TSC22D1: variants seen among roughly 807,000 people sequenced by gnomAD.
TSC22D1 encodes TSC22 domain family member 1.
In TSC22D1, 9 loss-of-function variants were observed where a neutral mutation model predicts 74.2. That is an observed-to-expected ratio of 0.12 (90% confidence interval 0.07 to 0.21). The LOEUF (loss-of-function observed/expected upper bound fraction) is 0.21, where lower values mean the gene tolerates loss of function less well. TSC22D1 is among the 10% of genes least tolerant of loss of function. The pLI is 1.00. For missense variants in TSC22D1, 1,427 were observed against 1,304.7 expected, an observed-to-expected ratio of 1.09 and a Z score of -1.44; for synonymous variants, 586 against 492.5, an observed-to-expected ratio of 1.19 and a Z score of -2.51.
intron 1 of TSC22D1, among the ~76,000 whole-genome samples, chr13:44,523,045 A>C (rs1223154865): frequency 1.3e-5 from 2 of 152,086 alleles, no homozygotes; most frequent in Non-Finnish European, 2.9e-5. Context: ...GAAAAAAAAA[A>C]AACATGAAAT....
At chr13:44,477,999 A>G (rs987255008) in intron 1 of TSC22D1, among the ~76,000 whole-genome samples, 1 of 152,130 alleles carries the variant, frequency 6.6e-6, no homozygotes, top group African/African-American at 2.4e-5. Flanking sequence ...TGAAGAACAC[A>G]GAAGTATTAA....
At chr13:44,469,085 G>A (rs1475711704) in intron 1 of TSC22D1, among the ~76,000 whole-genome samples, 1 of 152,022 alleles carries the variant, frequency 6.6e-6, no homozygotes, top group Non-Finnish European at 1.5e-5. Flanking sequence ...CCAAGCAAAT[G>A]CACCCTGCGC....
At chr13:44,537,400 G>A in intron 1 of TSC22D1, 2 of 984,978 alleles carry the variant, frequency 2.0e-6, no homozygotes, top group Non-Finnish European at 2.4e-6. Context: ...ATATTTTAAG[G>A]AACAGAGCTA....
intron 1 of TSC22D1, among the ~76,000 whole-genome samples, chr13:44,458,409 A>G (rs1009903482): frequency 1.3e-5 from 2 of 152,230 alleles, no homozygotes; most frequent in African/African-American, 4.8e-5. Context: ...GTGATAATAC[A>G]TATTTCATAA....
rs896808247 is a variant in TSC22D1, at chr13:44,575,221, G to A, written c.854C>T (p.Ser285Leu). ...CATATTAGTCATTACAGATGCAGGT[G>A]AACCACTGGATGATACAGCAGAAGT... ...APTSAVSSSGSPASVMTNMRA... is the reference protein window; with the variant it reads ...APTSAVSSSGLPASVMTNMRA... Residue 285 changes from serine (S) to leucine (L), a missense_variant, in exon 1 of 3, where the codon TCA becomes TTA. Coordinates refer to ENST00000458659, the MANE Select transcript of TSC22D1 (RefSeq NM_183422.4). The A allele has an allele frequency of 6.2e-7, 1 of 1,613,902 alleles. No individual in the cohort carries two copies. The highest frequency in any genetic ancestry group is 8.5e-7 in the Non-Finnish European group (1 of 1,180,054).
At chr13:44,564,743 T>C (rs969915065) in intron 1 of TSC22D1, among the ~76,000 whole-genome samples, 1 of 152,168 alleles carries the variant, frequency 6.6e-6, no homozygotes, top group African/African-American at 2.4e-5. Context: ...ATTCTGACTG[T>C]AAGATACAAT....
intron 1 of TSC22D1, among the ~76,000 whole-genome samples, chr13:44,456,461 T>C (rs1876654257): frequency 6.6e-6 from 1 of 152,154 alleles, no homozygotes; most frequent in African/African-American, 2.4e-5. Context: ...AGAGTGCTGA[T>C]TGGTGCGTTT....
chr13:44,566,718 GC>G (rs1883398017), intron 1 of TSC22D1, among the ~76,000 whole-genome samples: 1 of 152,026 alleles, frequency 6.6e-6, no homozygotes, highest in East Asian at 1.9e-4. Flanking sequence ...AAAGACATAA[GC>G]CCACAAAAAC....
At position 44,545,806 on chromosome 13, in the gene TSC22D1, G is replaced by A. The variant is rs567493366; in HGVS notation, c.2912+27357C>T. On this transcript the variant is annotated intron_variant, in intron 1 of 2. Transcript: ENST00000458659. ...AGCCTGGCCAACATGGTGAAACCCC[G>A]TCTCTACTAAAAATACAAAAATTAG... Among the ~76,000 whole-genome samples, 5 of 151,686 alleles carry A rather than the reference G, an allele frequency of 3.3e-5. No homozygotes were observed. In the East Asian group the frequency reaches 7.8e-4, roughly 24 times the overall value.
chr13:44,565,356 T>C (rs1200078930), intron 1 of TSC22D1, among the ~76,000 whole-genome samples: 2 of 151,900 alleles, frequency 1.3e-5, no homozygotes, highest in African/African-American at 4.8e-5. Flanking sequence ...AAATAGAGTG[T>C]TTCAAGGAGG....
chr13:44,524,647 A>G (rs1004134653), intron 1 of TSC22D1, among the ~76,000 whole-genome samples: 1 of 152,122 alleles, frequency 6.6e-6, no homozygotes, highest in Non-Finnish European at 1.5e-5. Context: ...CCCGGATTCA[A>G]GCAATTCTCC....
At chr13:44,543,234 T>C (rs1881588212) in intron 1 of TSC22D1, among the ~76,000 whole-genome samples, 1 of 152,182 alleles carries the variant, frequency 6.6e-6, no homozygotes, top group Non-Finnish European at 1.5e-5. Flanking sequence ...TTGTTCTCAA[T>C]ATTAAATTAT....
intron 1 of TSC22D1, chr13:44,539,279 C>A (rs1881325306): frequency 3.7e-5 from 36 of 985,186 alleles, no homozygotes; most frequent in Non-Finnish European, 4.2e-5. Context: ...ATCATTGCAT[C>A]TTTTAAAAGA....
chr13:44,445,456 T>C (rs957372031), intron 1 of TSC22D1, among the ~76,000 whole-genome samples: 2 of 152,098 alleles, frequency 1.3e-5, no homozygotes, highest in Non-Finnish European at 2.9e-5. Flanking sequence ...CTTTTGAACC[T>C]TGAACCAGTA....
chr13:44,519,697 A>G (rs569365641), intron 1 of TSC22D1, among the ~76,000 whole-genome samples: 2 of 152,200 alleles, frequency 1.3e-5, no homozygotes, highest in Non-Finnish European at 2.9e-5. Flanking sequence ...AAGGAATAAC[A>G]TCACTCCAGC....
intron 1 of TSC22D1, among the ~76,000 whole-genome samples, chr13:44,550,789 A>T (rs1882184906): frequency 6.6e-6 from 1 of 151,166 alleles, no homozygotes; most frequent in Admixed American, 6.6e-5. Context: ...ACAAAAATTT[A>T]ATATTAGCCA....
At chr13:44,563,476 A>G (rs929434730) in intron 1 of TSC22D1, among the ~76,000 whole-genome samples, 1 of 152,092 alleles carries the variant, frequency 6.6e-6, no homozygotes, top group South Asian at 2.1e-4. Flanking sequence ...CTTTTACACT[A>G]ATCTTCCCTG....
In TSC22D1 at chr13:44,469,694, T is replaced by C. The variant is rs538471506; in HGVS notation, c.2913-33599A>G. 3.3e-5 allele frequency among the ~76,000 whole-genome samples: 5 copies of C among 152,280 alleles called. No homozygotes were observed. In the South Asian group the frequency reaches 8.3e-4, roughly 25 times the overall value. ...TTTTACTTGAAAACACATAGTACCA[T>C]GCCAAGAGGAAAATGTACCCAATCC... is the stretch of plus-strand genomic sequence containing the variant. On this transcript the variant is annotated intron_variant, in intron 1 of 2. Coordinates refer to ENST00000458659, the MANE Select transcript of TSC22D1 (RefSeq NM_183422.4).
At chr13:44,464,093 C>A (rs1451394810) in intron 1 of TSC22D1, among the ~76,000 whole-genome samples, 1 of 152,182 alleles carries the variant, frequency 6.6e-6, no homozygotes, top group Non-Finnish European at 1.5e-5. Flanking sequence ...AGCTAAACCA[C>A]TTCCAAATTC....
Sources: allele counts gnomAD v4.1 joint callset (sites outside exome capture counted in the v4.1 genomes callset), GRCh38; gene constraint gnomAD v4.1.1; transcripts MANE v1.5; gene names NCBI Gene and HGNC (gene_info 2026-07-23, HGNC 2026-07-21).